The following PROM1 variants were observed in gnomAD, a reference collection of about 807,000 sequenced individuals.
PROM1 encodes the protein prominin 1.
Under a neutral mutation model 116.9 loss-of-function variants are expected in PROM1, and 105 were observed. The observed-to-expected ratio is 0.90, with a 90% CI of 0.77 to 1.06. The LOEUF is 1.06. Among genes scored for constraint, PROM1 ranks in the 50% least tolerant of loss-of-function variants. PROM1 has a pLI of 0.00. For synonymous variants in PROM1, 393 were observed against 387.0 expected (o/e 1.02, Z -0.18); for missense variants, 1,122 against 1,045.2 (o/e 1.07, Z -1.01).
intron 15 of PROM1, 127 bp from the exon 16 acceptor site, chr4:15,994,198 G>GC: frequency 6.7e-7 from 1 of 1,496,354 alleles, no homozygotes; most frequent in Non-Finnish European, 8.9e-7. Flanking sequence ...AAGTGGGGCT[G>GC]CATGTCCCCA....
At chr4:16,038,203 G>C (rs1161539761) in intron 3 of PROM1, among the ~76,000 whole-genome samples, 2 of 152,094 alleles carry the variant, frequency 1.3e-5, no homozygotes, top group Non-Finnish European at 2.9e-5. Flanking sequence ...TTCTAGCCAT[G>C]TCCTCACACA....
chr4:15,977,268 C>A (rs1027733952), intron 26 of PROM1, among the ~76,000 whole-genome samples: 9 of 152,198 alleles, frequency 5.9e-5, no homozygotes, highest in South Asian at 2.1e-4. Flanking sequence ...AGTGCCTTCA[C>A]AACCAACAGG....
At chr4:16,023,279 G>A (rs1213445110) in intron 8 of PROM1, 47 bp downstream of exon 8, 1 of 1,466,506 alleles carries the variant, frequency 6.8e-7, no homozygotes, top group African/African-American at 1.4e-5. Context: ...CCAAGCCCAG[G>A]GACTCCTGGA....
intron 26 of PROM1, among the ~76,000 whole-genome samples, chr4:15,979,066 CTG>C (rs745977764): frequency 1.3e-5 from 2 of 152,088 alleles, no homozygotes; most frequent in African/African-American, 2.4e-5. Flanking sequence ...GCTTTGAAAA[CTG>C]TAACTACTCA....
chr4:16,072,134 A>G (rs1742953320), intron 2 of PROM1, among the ~76,000 whole-genome samples: 3 of 152,112 alleles, frequency 2.0e-5, no homozygotes, highest in Admixed American at 2.0e-4. Flanking sequence ...AATTTAAACT[A>G]ATCTCTTCTG....
At chr4:16,065,561 T>G (rs1273878331) in intron 2 of PROM1, among the ~76,000 whole-genome samples, 1 of 152,146 alleles carries the variant, frequency 6.6e-6, no homozygotes, top group African/African-American at 2.4e-5. Flanking sequence ...GTCAGCTTTT[T>G]GAGAGCAAGG....
At chr4:16,041,975 A>G (rs1735409732) in intron 2 of PROM1, among the ~76,000 whole-genome samples, 1 of 151,786 alleles carries the variant, frequency 6.6e-6, no homozygotes, top group African/African-American at 2.4e-5. Context: ...TGCACAGATA[A>G]CTTTTTAATT....
Position 16,018,388 on chromosome 4 carries a change from T to G in PROM1, c.937A>C (p.Ser313Arg). The change falls in exon 9 of 28, where the codon AGT becomes CGT. Residue 313 changes from serine (S) to arginine (R), a missense_variant. Transcript: ENST00000447510. ...AATCTGATGCTGTTGCAGGTTTCAC[T>G]TGATGGATGCACCAAGCACAGAGGG... ...NDPLCLVHPS[S>R]ETCNSIRLSL... is the part of the protein sequence containing the mutation. 1 of 1,613,834 alleles carries G rather than the reference T, an allele frequency of 6.2e-7. No homozygotes were observed. Among genetic ancestry groups the G allele is most frequent in the Non-Finnish European group, 8.5e-7 (1 of 1,179,890 alleles).
intron 13 of PROM1, among the ~76,000 whole-genome samples, chr4:16,002,464 G>A (rs1251326986): frequency 6.6e-6 from 1 of 152,140 alleles, no homozygotes; most frequent in African/African-American, 2.4e-5. Flanking sequence ...GCCTCAGAAG[G>A]GTGTGGGCTG....
intron 12 of PROM1, among the ~76,000 whole-genome samples, chr4:16,008,291 C>T (rs1024257252): frequency 6.6e-6 from 1 of 152,158 alleles, no homozygotes; most frequent in African/African-American, 2.4e-5. Context: ...CCTTCCCTCC[C>T]CAGGGCTCTG....
intron 2 of PROM1, among the ~76,000 whole-genome samples, chr4:16,052,167 G>A (rs879319655): frequency 1.3e-5 from 2 of 152,150 alleles, no homozygotes; most frequent in South Asian, 2.1e-4. Flanking sequence ...CTGAACGCTC[G>A]TGAACCTCCA....
chr4:15,970,971 CTA>C (rs1714392153), intron 27 of PROM1, 70 bp downstream of exon 27: 1 of 1,172,580 alleles, frequency 8.5e-7, no homozygotes, highest in Non-Finnish European at 1.2e-6. Context: ...TTAGGAATAG[CTA>C]TGTTTTGATG....
intron 15 of PROM1, among the ~76,000 whole-genome samples, chr4:15,996,212 T>C (rs1480159983): frequency 1.3e-5 from 2 of 152,132 alleles, no homozygotes; most frequent in African/African-American, 2.4e-5. Context: ...TATTAGGTAA[T>C]AGAAATAAAC....
intron 13 of PROM1, among the ~76,000 whole-genome samples, chr4:16,005,304 T>A (rs746233976): frequency 2.6e-5 from 4 of 152,132 alleles, no homozygotes; most frequent in Non-Finnish European, 4.4e-5. Context: ...CATCTAAGCT[T>A]CTGTTTGTGT....
In PROM1 at chr4:15,979,351, C is replaced by T. The variant is rs1422131696; in HGVS notation, c.2582+44G>A. On this transcript the variant is annotated intron_variant, in intron 26 of 27. Coordinates refer to ENST00000447510, the MANE Select transcript of PROM1 (RefSeq NM_006017.3). ...CAGTGCTGATCTATAGGAGATGAGA[C>T]GGTTTATCATAGGGCGGGCATGCAC... 15 of 1,612,606 alleles carry T rather than the reference C, an allele frequency of 9.3e-6. No homozygotes were observed. The African/African-American group carries it at 1.5e-4, about 16-fold the overall frequency.
intron 20 of PROM1, among the ~76,000 whole-genome samples, 189 bp downstream of exon 20, chr4:15,987,474 G>A (rs1719730814): frequency 6.6e-6 from 1 of 152,150 alleles, no homozygotes; most frequent in African/African-American, 2.4e-5. Flanking sequence ...CTGCTAAGAT[G>A]AGGTCTGCAC....
At chr4:16,041,948 A>G (rs1320930623) in intron 2 of PROM1, among the ~76,000 whole-genome samples, 1 of 151,988 alleles carries the variant, frequency 6.6e-6, no homozygotes, top group Non-Finnish European at 1.5e-5. Flanking sequence ...AGCTAGGACT[A>G]CAAGTGCACG....
intron 2 of PROM1, among the ~76,000 whole-genome samples, chr4:16,048,975 G>C (rs1046482350): frequency 2.0e-5 from 3 of 152,148 alleles, no homozygotes; most frequent in African/African-American, 7.2e-5. Context: ...GGATCTCCTG[G>C]AGCCTGATAT....
chr4:16,014,068 A>T (rs1727661114), intron 10 of PROM1, among the ~76,000 whole-genome samples: 1 of 152,190 alleles, frequency 6.6e-6, no homozygotes, highest in African/African-American at 2.4e-5. Flanking sequence ...CATGAGAGGG[A>T]AATATCATTA....
Sources: allele counts gnomAD v4.1 joint callset (sites outside exome capture counted in the v4.1 genomes callset), GRCh38; gene constraint gnomAD v4.1.1; transcripts MANE v1.5; gene names NCBI Gene and HGNC (gene_info 2026-07-23, HGNC 2026-07-21).